The following RABGAP1L variants were observed in gnomAD, a reference collection of about 807,000 sequenced individuals.
RABGAP1L encodes rab GTPase-activating protein 1-like.
In RABGAP1L, 63 loss-of-function variants were observed where a neutral mutation model predicts 137.7. The observed-to-expected ratio is 0.46, with a 90% CI of 0.37 to 0.56. The LOEUF is 0.56. RABGAP1L is among the 20% of genes least tolerant of loss of function. The probability of loss-of-function intolerance (pLI) is 0.00; values close to 1 mark genes in which losing one functional copy is unlikely to be tolerated. For synonymous variants in RABGAP1L, 431 were observed against 433.7 expected (o/e 0.99, Z 0.08); for missense variants, 1,095 against 1,244.0 (o/e 0.88, Z 1.80).
At chr1:174,318,919 T>G (rs1183242216) in intron 11 of RABGAP1L, among the ~76,000 whole-genome samples, 4 of 152,036 alleles carry the variant, frequency 2.6e-5, no homozygotes, top group Non-Finnish European at 5.9e-5. Flanking sequence ...CTTTTTAACC[T>G]GTGTATTCTT....
At chr1:174,203,965 G>C (rs1418083844) in intron 1 of RABGAP1L, among the ~76,000 whole-genome samples, 1 of 145,042 alleles carries the variant, frequency 6.9e-6, no homozygotes, top group Non-Finnish European at 1.5e-5. Flanking sequence ...TTTAAAGATA[G>C]TGTATCTCTC....
chr1:174,657,824 G>A (rs1331574634), intron 14 of RABGAP1L, among the ~76,000 whole-genome samples: 1 of 152,146 alleles, frequency 6.6e-6, no homozygotes, highest in Admixed American at 6.5e-5. Context: ...TACTGCTTGT[G>A]TAGTCGTTTG....
At chr1:174,519,491 T>A (rs1407223296) in intron 13 of RABGAP1L, among the ~76,000 whole-genome samples, 1 of 152,092 alleles carries the variant, frequency 6.6e-6, no homozygotes, top group Non-Finnish European at 1.5e-5. Flanking sequence ...GCCCACCAGA[T>A]TAAGGGTGGG....
chr1:174,736,368 TGGGCACACTG>T lies in RABGAP1L; in HGVS notation c.2170-15943_2170-15934del, dbSNP rs542615164. Among the ~76,000 whole-genome samples, 289 of 152,368 alleles carry T rather than the reference TGGGCACACTG, an allele frequency of 1.9e-3. No homozygotes were observed. In the Middle Eastern group the frequency reaches 0.027, roughly 14 times the overall value. On this transcript the variant is annotated intron_variant, in intron 17 of 25. Coordinates refer to ENST00000681986, the MANE Select transcript of RABGAP1L (RefSeq NM_001366446.1). ...ATCCTTGTTTCCATGTCCCACACCC[TGGGCACACTG>T]GTGCAAGTGGTAGGCTCCCAAGGCC...
chr1:174,375,868 C>A (rs1218645989), intron 12 of RABGAP1L, among the ~76,000 whole-genome samples: 2 of 152,006 alleles, frequency 1.3e-5, no homozygotes, highest in African/African-American at 4.8e-5. Flanking sequence ...AGTTTGAGAC[C>A]AGCCTAGCCA....
intron 13 of RABGAP1L, among the ~76,000 whole-genome samples, chr1:174,537,454 C>T (rs1350118629): frequency 6.6e-6 from 1 of 152,188 alleles, no homozygotes; most frequent in African/African-American, 2.4e-5. Flanking sequence ...CTAAGGAACA[C>T]CCCACTTTCC....
intron 12 of RABGAP1L, among the ~76,000 whole-genome samples, chr1:174,371,274 A>G (rs1177842516): frequency 1.3e-5 from 2 of 152,016 alleles, no homozygotes; most frequent in Admixed American, 6.6e-5. Flanking sequence ...CCCCCCAAGT[A>G]TGGTTTTATT....
intron 13 of RABGAP1L, among the ~76,000 whole-genome samples, chr1:174,566,665 G>A (rs1019988263): frequency 1.3e-5 from 2 of 152,120 alleles, no homozygotes; most frequent in Non-Finnish European, 2.9e-5. Context: ...ATATGTATTT[G>A]AGTCTTTGCG....
chr1:174,912,637 TTTG>T (rs1558224512), intron 19 of RABGAP1L, among the ~76,000 whole-genome samples: 1 of 152,246 alleles, frequency 6.6e-6, no homozygotes, highest in Non-Finnish European at 1.5e-5. Context: ...ATGAGGCTAA[TTTG>T]TTGAAAATAA....
intron 13 of RABGAP1L, among the ~76,000 whole-genome samples, chr1:174,560,371 G>A (rs1162621085): frequency 6.6e-6 from 1 of 152,066 alleles, no homozygotes; most frequent in Admixed American, 6.6e-5. Flanking sequence ...TGCAACTGGT[G>A]GGTGCCCCAT....
chr1:174,395,984 TAACAA>T (rs1647800530), intron 13 of RABGAP1L, among the ~76,000 whole-genome samples: 1 of 152,150 alleles, frequency 6.6e-6, no homozygotes, highest in African/African-American at 2.4e-5. Flanking sequence ...TTAGATATGA[TAACAA>T]AACCATGAAT....
At chr1:174,316,531 A>G (rs1679390616) in intron 11 of RABGAP1L, among the ~76,000 whole-genome samples, 1 of 152,168 alleles carries the variant, frequency 6.6e-6, no homozygotes, top group South Asian at 2.1e-4. Flanking sequence ...ATCTGGGAGA[A>G]TTCTCTGGAT....
chr1:174,455,865 T>C (rs181502973), intron 13 of RABGAP1L, among the ~76,000 whole-genome samples: 71 of 152,212 alleles, frequency 4.7e-4, no homozygotes, highest in Non-Finnish European at 4.7e-4. Context: ...TCATTTCACA[T>C]ATAGGAATCT....
intron 13 of RABGAP1L, among the ~76,000 whole-genome samples, chr1:174,406,612 G>A (rs1280267352): frequency 6.6e-6 from 1 of 152,294 alleles, no homozygotes; most frequent in Middle Eastern, 3.4e-3. Context: ...TCATCACCTT[G>A]TGTAGTTTTG....
intron 24 of RABGAP1L, among the ~76,000 whole-genome samples, chr1:174,983,289 G>A (rs1574074979): frequency 6.6e-6 from 1 of 152,212 alleles, no homozygotes; most frequent in East Asian, 1.9e-4. Flanking sequence ...CTCTTTATAA[G>A]TAAACACCAT....
chr1:174,875,569 CAAAGAAAAATATG>C, intron 19 of RABGAP1L: 1 of 985,278 alleles, frequency 1.0e-6, no homozygotes, highest in Non-Finnish European at 1.2e-6. Context: ...CACTGAATAG[CAAAGAAAAATATG>C]AAAGCAAGAG....
intron 13 of RABGAP1L, among the ~76,000 whole-genome samples, chr1:174,620,201 C>T (rs1672312055): frequency 6.6e-6 from 1 of 152,194 alleles, no homozygotes; most frequent in Non-Finnish European, 1.5e-5. Context: ...TTTAACACCC[C>T]ACTGTCCACA....
chr1:174,380,145 A>C (rs1033541902), intron 12 of RABGAP1L, among the ~76,000 whole-genome samples: 5 of 151,602 alleles, frequency 3.3e-5, no homozygotes, highest in Non-Finnish European at 7.4e-5. Context: ...AGCCCACTTG[A>C]TCATGGTGGA....
intron 12 of RABGAP1L, among the ~76,000 whole-genome samples, chr1:174,393,544 G>A (rs1006517861): frequency 8.5e-5 from 13 of 152,138 alleles, no homozygotes; most frequent in African/African-American, 2.7e-4. Context: ...AGAGAAGTGG[G>A]TATAGTCAAG....
Sources: gnomAD v4.1 joint callset for allele counts (sites outside exome capture counted in the v4.1 genomes callset) on GRCh38, gnomAD v4.1.1 for gene constraint, MANE v1.5 for transcripts, NCBI Gene and HGNC (gene_info 2026-07-23, HGNC 2026-07-21) for gene names.